The following KHDRBS2 variants were observed in gnomAD, a reference collection of about 807,000 sequenced individuals.
The protein encoded by KHDRBS2 is KH RNA binding domain containing, signal transduction associated 2, also known as KH domain-containing, RNA-binding, signal transduction-associated protein 2.
A neutral mutation model predicts 44.3 loss-of-function variants in KHDRBS2; 26 were observed. The ratio of observed to expected loss-of-function variants is 0.59; its 90% CI spans 0.43 to 0.81. The LOEUF is 0.81. KHDRBS2 is among the 40% of genes least tolerant of loss of function. The pLI is 0.00. For missense variants in KHDRBS2, 476 were observed against 433.1 expected, an observed-to-expected ratio of 1.10 and a Z score of -0.88; for synonymous variants, 194 against 151.1, an observed-to-expected ratio of 1.28 and a Z score of -2.08.
chr6:61,648,437 A>G, the KHDRBS2 span, among the ~76,000 whole-genome samples: 3 of 152,134 alleles, frequency 2.0e-5, no homozygotes, highest in Non-Finnish European at 4.4e-5. Context: ...CTCTATCACT[A>G]CATTATCATC....
the KHDRBS2 span, among the ~76,000 whole-genome samples, chr6:61,550,766 C>CTTTGTTTTTTTTTTT: frequency 8.5e-6 from 1 of 117,038 alleles, no homozygotes; most frequent in African/African-American, 3.4e-5. Context: ...GAGATGGTAT[C>CTTTGTTTTTTTTTTT]TTTTTTTTTT....
chr6:61,785,943 C>T (rs1292844421), intron 6 of KHDRBS2, among the ~76,000 whole-genome samples: 1 of 151,894 alleles, frequency 6.6e-6, no homozygotes, highest in Non-Finnish European at 1.5e-5. Flanking sequence ...TCACTAATTA[C>T]ATATATCTGT....
At chr6:61,945,129 A>ATG (rs1813057049) in intron 4 of KHDRBS2, among the ~76,000 whole-genome samples, 9 of 61,860 alleles carry the variant, frequency 1.5e-4, no homozygotes, top group Non-Finnish European at 1.8e-4. Context: ...ATATATATAT[A>ATG]TATATATATA....
At chr6:61,766,237 C>T (rs1434800805) in intron 6 of KHDRBS2, among the ~76,000 whole-genome samples, 1 of 151,736 alleles carries the variant, frequency 6.6e-6, no homozygotes, top group Non-Finnish European at 1.5e-5. Flanking sequence ...TTATACGTTT[C>T]TTCTAGGTTT....
intron 2 of KHDRBS2, among the ~76,000 whole-genome samples, chr6:62,104,357 A>T (rs1802638050): frequency 6.6e-6 from 1 of 152,114 alleles, no homozygotes; most frequent in South Asian, 2.1e-4. Flanking sequence ...TTAGTTACAT[A>T]TGTATACATG....
At chr6:61,914,524 G>C (rs1241245023) in intron 4 of KHDRBS2, among the ~76,000 whole-genome samples, 4 of 147,074 alleles carry the variant, frequency 2.7e-5, no homozygotes, top group Non-Finnish European at 6.0e-5. Context: ...TAGGGGGAGG[G>C]GGGAGGGATA....
At chr6:62,015,249 C>T (rs1156563611) in intron 3 of KHDRBS2, among the ~76,000 whole-genome samples, 1 of 152,108 alleles carries the variant, frequency 6.6e-6, no homozygotes, top group Non-Finnish European at 1.5e-5. Context: ...GAGGAATTTT[C>T]TATTTATACA....
chr6:62,012,666 G>A (rs1327464893), intron 3 of KHDRBS2, among the ~76,000 whole-genome samples: 2 of 152,064 alleles, frequency 1.3e-5, no homozygotes. Context: ...CCACCACCTA[G>A]AGTGCACTTC....
chr6:62,178,371 T>C (rs1821572460), intron 1 of KHDRBS2, among the ~76,000 whole-genome samples: 1 of 151,760 alleles, frequency 6.6e-6, no homozygotes, highest in East Asian at 1.9e-4. Flanking sequence ...TAAGTGATTA[T>C]AGGACAGATC....
At chr6:61,674,685 A>G in the KHDRBS2 span, among the ~76,000 whole-genome samples, 2 of 151,710 alleles carry the variant, frequency 1.3e-5, no homozygotes, top group Non-Finnish European at 2.9e-5. Context: ...ATTTTCAATC[A>G]TTTACTTACT....
chr6:62,231,773 C>T (rs1475264678), intron 1 of KHDRBS2, among the ~76,000 whole-genome samples: 2 of 151,958 alleles, frequency 1.3e-5, no homozygotes, highest in East Asian at 1.9e-4. Flanking sequence ...GTTTATTCTT[C>T]GTGAAGAATT....
At chr6:62,093,963 T>A (rs1440381034) in intron 2 of KHDRBS2, among the ~76,000 whole-genome samples, 1 of 151,782 alleles carries the variant, frequency 6.6e-6, no homozygotes, top group African/African-American at 2.4e-5. Flanking sequence ...ATCTTGGTTA[T>A]TGTCAATAGT....
At chr6:61,743,616 CTTATT>C (rs1776450914) in intron 6 of KHDRBS2, among the ~76,000 whole-genome samples, 1 of 151,400 alleles carries the variant, frequency 6.6e-6, no homozygotes. Context: ...GTGTTTTATC[CTTATT>C]TTATTTTTTT....
At chr6:62,209,448 T>C (rs1563067584) in intron 1 of KHDRBS2, among the ~76,000 whole-genome samples, 1 of 152,236 alleles carries the variant, frequency 6.6e-6, no homozygotes, top group African/African-American at 2.4e-5. Context: ...CATATGTATA[T>C]AGATGTGTTT....
At chr6:61,952,571 T>A (rs1474511392) in intron 4 of KHDRBS2, among the ~76,000 whole-genome samples, 9 of 152,068 alleles carry the variant, frequency 5.9e-5, no homozygotes, top group Admixed American at 5.9e-4. Context: ...AAAACTGCAA[T>A]TACATTTGCC....
intron 6 of KHDRBS2, among the ~76,000 whole-genome samples, chr6:61,776,707 A>C (rs1281360284): frequency 2.0e-5 from 3 of 152,200 alleles, no homozygotes; most frequent in Admixed American, 6.5e-5. Context: ...AAACTACTTC[A>C]ACCATCGTGG....
At chr6:62,200,429 A>G (rs1826704106) in intron 1 of KHDRBS2, among the ~76,000 whole-genome samples, 1 of 152,250 alleles carries the variant, frequency 6.6e-6, no homozygotes, top group South Asian at 2.1e-4. Flanking sequence ...GGTGAAGGAT[A>G]TGAACAGACA....
At chr6:61,716,878 C>T (rs1771527060) in intron 7 of KHDRBS2, among the ~76,000 whole-genome samples, 1 of 152,012 alleles carries the variant, frequency 6.6e-6, no homozygotes, top group African/African-American at 2.4e-5. Context: ...TGATCTAATG[C>T]TTCCTATTTT....
At chr6:62,043,083 G>T (rs1190083929) in intron 3 of KHDRBS2, among the ~76,000 whole-genome samples, 1 of 152,044 alleles carries the variant, frequency 6.6e-6, no homozygotes, top group South Asian at 2.1e-4. Flanking sequence ...CCTCACTCTT[G>T]TCTGGGTGTG....
Sources: gnomAD v4.1 joint callset for allele counts (sites outside exome capture counted in the v4.1 genomes callset) on GRCh38, gnomAD v4.1.1 for gene constraint, MANE v1.5 for transcripts, NCBI Gene and HGNC (gene_info 2026-07-23, HGNC 2026-07-21) for gene names.